DCTN4: variants seen among roughly 807,000 people sequenced by gnomAD.
DCTN4 encodes dynactin 4 (p62).
DCTN4 carries 23 observed loss-of-function variants against 62.7 expected under a neutral mutation model. That is an observed-to-expected ratio of 0.37 (90% CI 0.26 to 0.52). The LOEUF is 0.52. Among genes scored for constraint, DCTN4 ranks in the 20% least tolerant of loss-of-function variants. DCTN4 has a pLI of 0.92. For synonymous variants in DCTN4, 199 were observed against 202.1 expected, an observed-to-expected ratio of 0.98 and a Z score of 0.13; for missense variants, 514 against 580.4, an observed-to-expected ratio of 0.89 and a Z score of 1.18.
chr5:150,719,174 C>T (rs964298517), intron 10 of DCTN4, among the ~76,000 whole-genome samples: 1 of 152,106 alleles, frequency 6.6e-6, no homozygotes, highest in African/African-American at 2.4e-5. Flanking sequence ...TTGTTTGGTA[C>T]CCTCTCTAGA....
chr5:150,738,153 G>A (rs1235630305), intron 4 of DCTN4, among the ~76,000 whole-genome samples: 1 of 151,960 alleles, frequency 6.6e-6, no homozygotes, highest in Non-Finnish European at 1.5e-5. Context: ...AAAAAGCCTA[G>A]GACCAGATGG....
At chr5:150,717,517 G>A (rs1759809722) in intron 11 of DCTN4, among the ~76,000 whole-genome samples, 1 of 152,164 alleles carries the variant, frequency 6.6e-6, no homozygotes, top group South Asian at 2.1e-4. Context: ...CAAAGTGCTA[G>A]GATTACAGGC....
At chr5:150,719,089 G>C (rs1381968043) in intron 10 of DCTN4, among the ~76,000 whole-genome samples, 1 of 152,052 alleles carries the variant, frequency 6.6e-6, no homozygotes, top group African/African-American at 2.4e-5. Context: ...CAAAGTGCTG[G>C]GATTACAGGT....
At position 150,722,998 on chromosome 5, in the gene DCTN4, A is replaced by T; in HGVS notation, c.835-18T>A. ...TCACATTTCTAAAAAGAAAACAAAT[A>T]TAACACGTATCAGAAGACAACAACA... is the stretch of plus-strand genomic sequence containing the variant. On this transcript the variant is annotated intron_variant, in intron 8 of 12. Coordinates refer to ENST00000447998, the MANE Select transcript of DCTN4 (RefSeq NM_016221.4). The T allele has an allele frequency of 6.4e-7, 1 of 1,557,572 alleles. No individual in the cohort carries two copies. Among genetic ancestry groups the T allele is most frequent in the Non-Finnish European group, 8.8e-7 (1 of 1,131,080 alleles).
chr5:150,712,655 G>T (rs1759612381), intron 12 of DCTN4, among the ~76,000 whole-genome samples: 1 of 152,176 alleles, frequency 6.6e-6, no homozygotes, highest in Non-Finnish European at 1.5e-5. Flanking sequence ...CATAAATCAA[G>T]AATGTTTTTG....
At chr5:150,720,070 T>C (rs1217307033) in intron 9 of DCTN4, among the ~76,000 whole-genome samples, 1 of 152,236 alleles carries the variant, frequency 6.6e-6, no homozygotes, top group Non-Finnish European at 1.5e-5. Context: ...TTTATCTCCT[T>C]GTGCCTTGGT....
At position 150,727,796 on chromosome 5, in the gene DCTN4, AAC is replaced by A. The variant is rs1315477566; in HGVS notation, c.834+2833_834+2834del. Among the ~76,000 whole-genome samples, 380 of 115,702 alleles carry A rather than the reference AAC, an allele frequency of 3.3e-3. 16 individuals are homozygous for A. The highest frequency in any genetic ancestry group is 0.014 in the African/African-American group (275 of 19,636). 75.9% of individuals were successfully genotyped at this position (115,702 alleles called of 152,430 possible). On this transcript the variant is annotated intron_variant, in intron 8 of 12. Transcript: ENST00000447998. ...GTCTCAAAAAAAAAAAAAAAAAAAAAACAAAAAACCCAATAAGCTTCCTGATG... is the reference window on the plus strand; with the variant it reads ...GTCTCAAAAAAAAAAAAAAAAAAAAAAAAAAACCCAATAAGCTTCCTGATG...
intron 4 of DCTN4, among the ~76,000 whole-genome samples, chr5:150,738,335 T>C (rs746674300): frequency 3.3e-5 from 5 of 152,082 alleles, no homozygotes; most frequent in African/African-American, 7.2e-5. Context: ...CAGACAGATA[T>C]CCCTGATGAA....
Position 150,710,988 on chromosome 5 carries a change from GTTC to G in DCTN4, c.*158_*160del. The G allele has an allele frequency of 1.5e-6, 1 of 689,622 alleles. No homozygotes were observed. The highest frequency in any genetic ancestry group is 2.4e-6 in the Non-Finnish European group (1 of 408,432). 42.7% of individuals were successfully genotyped at this position (689,622 alleles called of 1,614,324 possible). A position where few individuals can be genotyped will look rare whatever the true frequency, so the allele number is the denominator to read the frequency against. ...GCAAGAGCAACAGCAGCTACCCTGT[GTTC>G]CCAATGCCTTGCCTATGCTCCCACT... On this transcript the variant is annotated 3_prime_UTR_variant, in exon 13 of 13. Transcript: ENST00000447998.
Position 150,709,322 on chromosome 5 carries a change from G to T in DCTN4, c.*1827C>A, listed in dbSNP as rs1306414757. The T allele has an allele frequency of 6.6e-6, 1 of 152,326 alleles. No homozygotes were observed. The highest frequency in any genetic ancestry group is 1.5e-5 in the Non-Finnish European group (1 of 68,020). The allele number at this position is 152,326 out of a possible 1,614,324, so 9.4% of individuals were successfully genotyped here. A position where few individuals can be genotyped will look rare whatever the true frequency, so the allele number is the denominator to read the frequency against. ...TTTGGGGAATAAATACCAGCTACCT[G>T]CCATAAACGCATGACATGTGTGTAG... On this transcript the variant is annotated 3_prime_UTR_variant, in exon 13 of 13. Transcript: ENST00000447998.
Position 150,741,102 on chromosome 5 carries a change from C to CTGCA in DCTN4, c.429+1008_429+1011dup, listed in dbSNP as rs576052144. On this transcript the variant is annotated intron_variant, in intron 4 of 12. Coordinates refer to ENST00000447998, the MANE Select transcript of DCTN4 (RefSeq NM_016221.4). ...ATTGCTTAAGCCTGGGAGGTTGAGG[C>CTGCA]TGCAGTGAGCTGTGATCATGCAACT... Among the ~76,000 whole-genome samples, 642 of 143,712 alleles carry CTGCA rather than the reference C, an allele frequency of 4.5e-3. 3 individuals are homozygous for CTGCA. The highest frequency in any genetic ancestry group is 0.017 in the African/African-American group (614 of 37,068). 94.3% of individuals were successfully genotyped at this position (143,712 alleles called of 152,430 possible). A position where few individuals can be genotyped will look rare whatever the true frequency, so the allele number is the denominator to read the frequency against.
intron 3 of DCTN4, among the ~76,000 whole-genome samples, chr5:150,750,321 AAAGTACT>A (rs1251832754): frequency 6.6e-6 from 1 of 152,220 alleles, no homozygotes; most frequent in Non-Finnish European, 1.5e-5. Context: ...TTAGAGTCCA[AAAGTACT>A]AAGAGCTGAC....
rs1345751400 is a variant in DCTN4, at chr5:150,722,972, T to C, written c.843A>G (p.Glu281=). The C allele has an allele frequency of 6.2e-7, 1 of 1,609,938 alleles. No homozygotes were observed. The change falls in exon 9 of 13, where the codon GAA becomes GAG. Residue 281 remains glutamate (E), a synonymous_variant. Transcript: ENST00000447998. ...IKRSLRCRKC[E]HNLSKPEFNP... The stretch of plus-strand genomic sequence containing the variant: ...TAAATTCTGGCTTGCTCAAATTATG[T>C]TCACATTTCTAAAAAGAAAACAAAT...
At position 150,758,411 on chromosome 5, in the gene DCTN4, G is replaced by A. The variant is rs143416612; in HGVS notation, c.135+448C>T. The A allele has an allele frequency of 1.5e-3, 1,522 of 990,378 alleles. 4 individuals carry two copies. The highest frequency in any genetic ancestry group is 1.7e-3 in the Non-Finnish European group (1,453 of 832,194). 61.3% of individuals were successfully genotyped at this position (990,378 alleles called of 1,614,324 possible). A position where few individuals can be genotyped will look rare whatever the true frequency, so the allele number is the denominator to read the frequency against. ...CAGGAACAGGGCAAGGCAGTCTGAC[G>A]AGGGCCCAGTTTCTGGACAAAAGAG... is the stretch of plus-strand genomic sequence containing the variant. On this transcript the variant is annotated intron_variant, in intron 1 of 12. Coordinates refer to ENST00000447998, the MANE Select transcript of DCTN4 (RefSeq NM_016221.4).
rs184915410 is a variant in DCTN4 at position 150,738,891 on chromosome 5, T to C, written c.429+3223A>G. ...GACTTATCCAAAAAGCTCCTAGATCTGATCAATGAATTCAATAAAAGGTTG... is the reference window on the plus strand; with the variant it reads ...GACTTATCCAAAAAGCTCCTAGATCCGATCAATGAATTCAATAAAAGGTTG... On this transcript the variant is annotated intron_variant, in intron 4 of 12. Coordinates refer to ENST00000447998, the MANE Select transcript of DCTN4 (RefSeq NM_016221.4). 6.1e-4 allele frequency among the ~76,000 whole-genome samples: 93 copies of C among 152,312 alleles called. No individual in the cohort carries two copies. In the Middle Eastern group the frequency reaches 0.02, roughly 33 times the overall value.
intron 3 of DCTN4, among the ~76,000 whole-genome samples, chr5:150,746,356 C>G (rs1029717401): frequency 2.0e-5 from 3 of 152,098 alleles, no homozygotes; most frequent in Non-Finnish European, 2.9e-5. Flanking sequence ...TTCTACCAGA[C>G]GTACAAGGAG....
At chr5:150,732,504 A>C (rs1279826261) in intron 5 of DCTN4, among the ~76,000 whole-genome samples, 1 of 152,204 alleles carries the variant, frequency 6.6e-6, no homozygotes, top group Non-Finnish European at 1.5e-5. Context: ...TCAATGACTT[A>C]ACTAATTTTC....
At chr5:150,748,902 C>A (rs1752562896) in intron 3 of DCTN4, among the ~76,000 whole-genome samples, 1 of 149,946 alleles carries the variant, frequency 6.7e-6, no homozygotes, top group African/African-American at 2.5e-5. Context: ...CTAACCTGCA[C>A]ATTGTGCACA....
intron 8 of DCTN4, among the ~76,000 whole-genome samples, chr5:150,727,638 T>TGGTGGCGGGCGC (rs1269456305): frequency 4.0e-5 from 6 of 150,744 alleles, no homozygotes; most frequent in Non-Finnish European, 5.9e-5. Flanking sequence ...TAGCCGGGCG[T>TGGTGGCGGGCGC]GGTGGCGGGC....
Sources: allele counts gnomAD v4.1 joint callset (sites outside exome capture counted in the v4.1 genomes callset), GRCh38; gene constraint gnomAD v4.1.1; transcripts MANE v1.5; gene names NCBI Gene and HGNC (gene_info 2026-07-23, HGNC 2026-07-21).